The following EFNA5 variants were observed in gnomAD, a reference collection of about 807,000 sequenced individuals.
The protein encoded by EFNA5 is ephrin-A5.
A neutral mutation model predicts 22.9 loss-of-function variants in EFNA5; 5 were observed. The ratio of observed to expected loss-of-function variants is 0.22; its 90% CI spans 0.11 to 0.46. The LOEUF is 0.46. Ranked by LOEUF, EFNA5 falls within the 20% of genes least tolerant of loss-of-function variation. EFNA5 has a pLI of 0.99. For missense variants in EFNA5, 237 were observed against 293.3 expected, an observed-to-expected ratio of 0.81 and a Z score of 1.40; for synonymous variants, 113 against 112.2, an observed-to-expected ratio of 1.01 and a Z score of -0.04.
chr5:107,565,628 A>G (rs1410321498), intron 1 of EFNA5, among the ~76,000 whole-genome samples: 1 of 152,184 alleles, frequency 6.6e-6, no homozygotes, highest in Non-Finnish European at 1.5e-5. Flanking sequence ...CCATCTAGAA[A>G]TATGTATTTT....
intron 1 of EFNA5, among the ~76,000 whole-genome samples, chr5:107,661,917 T>C (rs1278985738): frequency 6.6e-6 from 1 of 152,160 alleles, no homozygotes; most frequent in African/African-American, 2.4e-5. Flanking sequence ...CAACACTGCC[T>C]GTTTCATATA....
At chr5:107,393,547 T>C (rs543563830) in intron 2 of EFNA5, among the ~76,000 whole-genome samples, 9 of 152,348 alleles carry the variant, frequency 5.9e-5, no homozygotes, top group African/African-American at 2.2e-4. Context: ...TTTAAGAATA[T>C]TCAGCCGCTT....
chr5:107,597,267 G>A (rs1047129056), intron 1 of EFNA5, among the ~76,000 whole-genome samples: 1 of 152,084 alleles, frequency 6.6e-6, no homozygotes, highest in Non-Finnish European at 1.5e-5. Flanking sequence ...ATACCATAAG[G>A]TATGCATGAG....
intron 1 of EFNA5, among the ~76,000 whole-genome samples, chr5:107,428,542 T>C (rs1193284239): frequency 4.6e-5 from 7 of 152,336 alleles, no homozygotes; most frequent in African/African-American, 1.7e-4. Context: ...CAACGATGTG[T>C]GAAACAGGAA....
chr5:107,647,753 G>A (rs1220635399), intron 1 of EFNA5, among the ~76,000 whole-genome samples: 1 of 152,124 alleles, frequency 6.6e-6, no homozygotes, highest in Non-Finnish European at 1.5e-5. Flanking sequence ...TAACCTCTAA[G>A]AGGACACATC....
At chr5:107,524,524 T>C (rs1314674367) in intron 1 of EFNA5, among the ~76,000 whole-genome samples, 2 of 152,208 alleles carry the variant, frequency 1.3e-5, no homozygotes, top group Non-Finnish European at 2.9e-5. Context: ...ACTCCACTAA[T>C]GCAAACACAT....
intron 1 of EFNA5, among the ~76,000 whole-genome samples, chr5:107,587,073 T>C (rs1445315766): frequency 1.3e-5 from 2 of 152,246 alleles, no homozygotes; most frequent in East Asian, 3.8e-4. Context: ...TTTTCACCTA[T>C]GTCTCAGTAA....
At chr5:107,419,328 C>A (rs907158919) in intron 2 of EFNA5, among the ~76,000 whole-genome samples, 1 of 152,148 alleles carries the variant, frequency 6.6e-6, no homozygotes, top group Non-Finnish European at 1.5e-5. Context: ...AGACACAATT[C>A]CCTAAACTCA....
intron 2 of EFNA5, among the ~76,000 whole-genome samples, chr5:107,405,220 C>T (rs748375488): frequency 9.2e-5 from 14 of 152,212 alleles, no homozygotes; most frequent in Non-Finnish European, 1.2e-4. Context: ...CCCTTGCCTG[C>T]TCCCACTCCT....
chr5:107,429,522 C>T (rs534703480), intron 1 of EFNA5, among the ~76,000 whole-genome samples: 56 of 152,246 alleles, frequency 3.7e-4, no homozygotes, highest in Admixed American at 5.2e-4. Flanking sequence ...GATACTCTTC[C>T]GAGAGACAAC....
intron 1 of EFNA5, among the ~76,000 whole-genome samples, chr5:107,579,434 T>G (rs986219524): frequency 1.3e-5 from 2 of 152,172 alleles, no homozygotes; most frequent in African/African-American, 4.8e-5. Flanking sequence ...AACTCAGGTC[T>G]GCTGCTGAAG....
rs1251835219 is a variant in EFNA5 at position 107,400,017 on chromosome 5, A to C, written c.419-12246T>G. 5.9e-5 allele frequency among the ~76,000 whole-genome samples: 9 copies of C among 152,344 alleles called. No homozygotes were observed. In the East Asian group the frequency reaches 1.3e-3, roughly 23 times the overall value. ...TACGTGTACAGTTTTGGAACATTTA[A>C]GAGAACTAAAGGTTCATCATATTTT... On this transcript the variant is annotated intron_variant, in intron 2 of 4. Transcript: ENST00000333274.
intron 1 of EFNA5, among the ~76,000 whole-genome samples, chr5:107,492,519 A>G (rs1746836636): frequency 6.6e-6 from 1 of 152,224 alleles, no homozygotes; most frequent in Non-Finnish European, 1.5e-5. Flanking sequence ...AATACACATT[A>G]TTTCATTTAT....
At chr5:107,561,512 G>A (rs1333771104) in intron 1 of EFNA5, among the ~76,000 whole-genome samples, 6 of 152,042 alleles carry the variant, frequency 3.9e-5, no homozygotes, top group African/African-American at 1.4e-4. Flanking sequence ...GGGATTACAG[G>A]AGTGTGCCAC....
At chr5:107,603,390 T>TCTA (rs1749646659) in intron 1 of EFNA5, among the ~76,000 whole-genome samples, 2 of 152,188 alleles carry the variant, frequency 1.3e-5, no homozygotes, top group South Asian at 2.1e-4. Flanking sequence ...TAGAGGCTTT[T>TCTA]CTAAGTGACA....
intron 4 of EFNA5, 147 bp downstream of exon 4, chr5:107,387,088 A>G (rs1263008507): frequency 3.8e-6 from 2 of 529,962 alleles, no homozygotes; most frequent in Non-Finnish European, 6.8e-6. Flanking sequence ...GAGGTAGAAT[A>G]TAAGTCATAT....
chr5:107,604,832 G>A (rs879904023), intron 1 of EFNA5, among the ~76,000 whole-genome samples: 4 of 152,098 alleles, frequency 2.6e-5, no homozygotes, highest in African/African-American at 9.6e-5. Context: ...TTCCCATCAC[G>A]GTAGTTCACT....
At chr5:107,561,520 C>A (rs1748543957) in intron 1 of EFNA5, among the ~76,000 whole-genome samples, 1 of 152,056 alleles carries the variant, frequency 6.6e-6, no homozygotes, top group African/African-American at 2.4e-5. Context: ...AGGAGTGTGC[C>A]ACCATGCCCG....
intron 1 of EFNA5, among the ~76,000 whole-genome samples, chr5:107,572,695 T>C: frequency 6.6e-6 from 1 of 152,174 alleles, no homozygotes; most frequent in East Asian, 1.9e-4. Context: ...CAACAAAATA[T>C]AATACTAAAA....
Sources: gnomAD v4.1 joint callset for allele counts (sites outside exome capture counted in the v4.1 genomes callset) on GRCh38, gnomAD v4.1.1 for gene constraint, MANE v1.5 for transcripts, NCBI Gene and HGNC (gene_info 2026-07-23, HGNC 2026-07-21) for gene names.